LAMA2: variants seen among roughly 807,000 people sequenced by gnomAD.
LAMA2 encodes laminin subunit alpha 2.
In LAMA2, 269 loss-of-function variants were observed where a neutral mutation model predicts 364.8. The observed-to-expected ratio is 0.74, with a 90% CI of 0.67 to 0.82. LAMA2 has a LOEUF of 0.82. Among genes scored for constraint, LAMA2 ranks in the 40% least tolerant of loss-of-function variants. LAMA2 has a pLI of 0.00. For synonymous variants in LAMA2, 1,379 were observed against 1,370.6 expected (o/e 1.01, Z -0.14); for missense variants, 3,807 against 3,873.2 (o/e 0.98, Z 0.45).
Position 129,478,760 on chromosome 6 carries a change from A to G in LAMA2, c.7519A>G (p.Asn2507Asp), listed in dbSNP as rs1784208336. Residue 2507 changes from asparagine to aspartate, a missense_variant, in exon 54 of 65, where the codon AAT (asparagine) becomes GAT (aspartate). Coordinates refer to ENST00000421865, the MANE Select transcript of LAMA2 (RefSeq NM_000426.4). ...KDIEISRTPYNILSSPDYVGV... is the reference protein window; with the variant it reads ...KDIEISRTPYDILSSPDYVGV... ...TATTGAAATTTCAAGAACTCCGTAC[A>G]ATATACTCAGTAGTCCCGATTATGT... The G allele has an allele frequency of 1.2e-6, 2 of 1,613,062 alleles. No homozygotes were observed. The highest frequency in any genetic ancestry group is 8.5e-7 in the Non-Finnish European group (1 of 1,179,020).
At chr6:129,120,640 C>G (rs1026158183) in intron 4 of LAMA2, among the ~76,000 whole-genome samples, 1 of 152,166 alleles carries the variant, frequency 6.6e-6, no homozygotes, top group Non-Finnish European at 1.5e-5. Flanking sequence ...CTTTCCCTGC[C>G]AATGACTTAA....
intron 4 of LAMA2, among the ~76,000 whole-genome samples, chr6:129,124,783 A>G (rs1057457121): frequency 6.6e-6 from 1 of 152,202 alleles, no homozygotes; most frequent in African/African-American, 2.4e-5. Flanking sequence ...GAGTTGTGCA[A>G]CCACCACCAC....
rs985954832 is a variant in LAMA2 at position 129,442,969 on chromosome 6, A to AT, written c.6269-89dup. 8 of 901,304 alleles carry AT rather than the reference A, an allele frequency of 8.9e-6. No homozygotes were observed. The Admixed American group carries it at 1.5e-4, about 17-fold the overall frequency. The allele number at this position is 901,304 out of a possible 1,614,324, so 55.8% of individuals were successfully genotyped here. A position where few individuals can be genotyped will look rare whatever the true frequency, so the allele number is the denominator to read the frequency against. ...ATTAGTACCTGTTATGAAAAATACC[A>AT]TTTTTAGTCACTACTTTATAATATT... On this transcript the variant is annotated intron_variant, in intron 43 of 64. Coordinates refer to ENST00000421865, the MANE Select transcript of LAMA2 (RefSeq NM_000426.4).
At chr6:129,098,877 A>T (rs926413668) in intron 4 of LAMA2, among the ~76,000 whole-genome samples, 1 of 152,224 alleles carries the variant, frequency 6.6e-6, no homozygotes, top group African/African-American at 2.4e-5. Flanking sequence ...CTGTCACCAC[A>T]TAGGGCTACA....
At chr6:129,069,819 A>T (rs1395759410) in intron 3 of LAMA2, among the ~76,000 whole-genome samples, 1 of 146,414 alleles carries the variant, frequency 6.8e-6, no homozygotes, top group African/African-American at 2.5e-5. Flanking sequence ...GTGATAAATA[A>T]TATTGTATAA....
chr6:129,147,062 T>C lies in LAMA2; in HGVS notation c.909+14T>C, dbSNP rs764082891. 1.3e-6 allele frequency: 2 copies of C among 1,504,154 alleles called. No homozygotes were observed. The highest frequency in any genetic ancestry group is 3.3e-5 in the Admixed American group (2 of 59,736). The allele number at this position is 1,504,154 out of a possible 1,614,324, so 93.2% of individuals were successfully genotyped here. ...CCAGCGACAAATGTATGTATATTTATAGGATGCTTAGGCAAAATGAAGCCC... is the reference window on the plus strand; with the variant it reads ...CCAGCGACAAATGTATGTATATTTACAGGATGCTTAGGCAAAATGAAGCCC... On this transcript the variant is annotated intron_variant, in intron 6 of 64. Coordinates refer to ENST00000421865, the MANE Select transcript of LAMA2 (RefSeq NM_000426.4).
At chr6:129,059,666 A>G (rs781258290) in intron 2 of LAMA2, 118 bp from the exon 3 acceptor site, 4 of 691,274 alleles carry the variant, frequency 5.8e-6, no homozygotes, top group South Asian at 1.6e-5. Flanking sequence ...TATTATTTTA[A>G]TGTTTGATAT....
chr6:129,014,513 T>C (rs989171627), intron 1 of LAMA2, among the ~76,000 whole-genome samples: 1 of 152,330 alleles, frequency 6.6e-6, no homozygotes, highest in East Asian at 1.9e-4. Context: ...TCAGAAGCCA[T>C]ATAAACACTG....
At chr6:129,151,575 A>G (rs1289472069) in intron 7 of LAMA2, among the ~76,000 whole-genome samples, 2 of 152,140 alleles carry the variant, frequency 1.3e-5, no homozygotes, top group Non-Finnish European at 2.9e-5. Flanking sequence ...TGGGTAATTT[A>G]TAAAGGAAAG....
intron 34 of LAMA2, among the ~76,000 whole-genome samples, chr6:129,372,045 T>A (rs1385586016): frequency 6.6e-6 from 1 of 152,176 alleles, no homozygotes; most frequent in East Asian, 1.9e-4. Context: ...CAAAGAAAAA[T>A]TGAGTGTAAA....
intron 12 of LAMA2, among the ~76,000 whole-genome samples, chr6:129,248,406 T>G (rs989616515): frequency 2.0e-5 from 3 of 152,338 alleles, no homozygotes; most frequent in African/African-American, 7.2e-5. Flanking sequence ...TCGTAACAGC[T>G]TTGACATTCA....
chr6:128,929,078 A>G, intron 1 of LAMA2: 2 of 1,457,068 alleles, frequency 1.4e-6, no homozygotes, highest in African/African-American at 1.4e-5. Flanking sequence ...GTGGTCATCC[A>G]GAATCCACAC....
At position 128,919,884 on chromosome 6, in the gene LAMA2, T is replaced by C. The variant is rs924737320; in HGVS notation, c.112+36527T>C. Reference sequence around the variant, plus strand: ...CAGCCTAATTAATAGTGGTGTTCCCTTTATTCTCAGAAGTGGACTGGTTTA... The same window carrying C: ...CAGCCTAATTAATAGTGGTGTTCCCCTTATTCTCAGAAGTGGACTGGTTTA... On this transcript the variant is annotated intron_variant, in intron 1 of 64. Coordinates refer to ENST00000421865, the MANE Select transcript of LAMA2 (RefSeq NM_000426.4). 2.6e-5 allele frequency among the ~76,000 whole-genome samples: 4 copies of C among 152,310 alleles called. No homozygotes were observed. The South Asian group carries it at 8.3e-4, about 32-fold the overall frequency.
rs986975107 is a variant in LAMA2, at chr6:128,929,671, C to A, written c.112+46314C>A. ...ATGCGGTCTCGGTTTGTCACTGAAG[C>A]CAACGCCAAGAAATCAAGGGCAATC... On this transcript the variant is annotated intron_variant, in intron 1 of 64. Coordinates refer to ENST00000421865, the MANE Select transcript of LAMA2 (RefSeq NM_000426.4). 20 of 1,423,064 alleles carry A rather than the reference C, an allele frequency of 1.4e-5. No individual in the cohort carries two copies. In the African/African-American group the frequency reaches 2.3e-4, roughly 17 times the overall value. 88.2% of individuals were successfully genotyped at this position (1,423,064 alleles called of 1,614,324 possible). A position where few individuals can be genotyped will look rare whatever the true frequency, so the allele number is the denominator to read the frequency against.
Position 129,193,232 on chromosome 6 carries a change from G to A in LAMA2, c.1782+379G>A, listed in dbSNP as rs369865527. 8.5e-5 allele frequency among the ~76,000 whole-genome samples: 13 copies of A among 152,160 alleles called. No homozygotes were observed. In the East Asian group the frequency reaches 1.9e-3, roughly 23 times the overall value. ...GATACTTACTAAAGTTTTTCTCATC[G>A]GTTTCTATTTCATTTCAAAACTGAT... is the stretch of plus-strand genomic sequence containing the variant. On this transcript the variant is annotated intron_variant, in intron 12 of 64. Transcript: ENST00000421865.
chr6:128,995,348 G>T (rs2114668669), intron 1 of LAMA2, among the ~76,000 whole-genome samples: 1 of 152,268 alleles, frequency 6.6e-6, no homozygotes, highest in South Asian at 2.1e-4. Flanking sequence ...TTGAGACAAA[G>T]TCTCACTCTG....
intron 12 of LAMA2, among the ~76,000 whole-genome samples, chr6:129,230,768 A>G (rs1219527661): frequency 6.6e-6 from 1 of 152,098 alleles, no homozygotes; most frequent in African/African-American, 2.4e-5. Context: ...GATAGAGGTT[A>G]GATTTAACTG....
chr6:129,512,679 G>A (rs1052368902), intron 63 of LAMA2, among the ~76,000 whole-genome samples, 186 bp downstream of exon 63: 7 of 152,078 alleles, frequency 4.6e-5, no homozygotes, highest in African/African-American at 1.7e-4. Context: ...CATGTTGTAG[G>A]CCAGTATAAA....
chr6:129,499,114 T>C (rs994154333), intron 58 of LAMA2, among the ~76,000 whole-genome samples: 1 of 152,154 alleles, frequency 6.6e-6, no homozygotes, highest in African/African-American at 2.4e-5. Context: ...ACTTGTAACC[T>C]GCCAAGCAAA....
Sources: allele counts gnomAD v4.1 joint callset (sites outside exome capture counted in the v4.1 genomes callset), GRCh38; gene constraint gnomAD v4.1.1; transcripts MANE v1.5; gene names NCBI Gene and HGNC (gene_info 2026-07-23, HGNC 2026-07-21).